The following GRIN2D variants were observed in gnomAD, a reference collection of about 807,000 sequenced individuals.
GRIN2D encodes glutamate receptor ionotropic, NMDA 2D.
A neutral mutation model predicts 103.2 loss-of-function variants in GRIN2D; 37 were observed. The ratio of observed to expected loss-of-function variants is 0.36; its 90% confidence interval spans 0.28 to 0.47. GRIN2D has a LOEUF of 0.47. Among genes scored for constraint, GRIN2D ranks in the 20% least tolerant of loss-of-function variants. The probability of loss-of-function intolerance (pLI) is 1.00; values close to 1 mark genes in which losing one functional copy is unlikely to be tolerated. For missense variants in GRIN2D, 1,557 were observed against 1,910.6 expected, an observed-to-expected ratio of 0.81 and a Z score of 3.45; for synonymous variants, 845 against 885.6, an observed-to-expected ratio of 0.95 and a Z score of 0.81.
chr19:48,407,526 G>A (rs1418343547), intron 4 of GRIN2D, among the ~76,000 whole-genome samples: 1 of 152,168 alleles, frequency 6.6e-6, no homozygotes, highest in Non-Finnish European at 1.5e-5. Flanking sequence ...GGTTGCACAA[G>A]TCACAAGTCA....
At position 48,442,196 on chromosome 19, in the gene GRIN2D, C is replaced by T. The variant is rs755360372; in HGVS notation, c.2487C>T (p.His829=). 6.2e-7 allele frequency: 1 copy of T among 1,614,168 alleles called. No homozygotes were observed. The highest frequency in any genetic ancestry group is 8.5e-7 in the Non-Finnish European group (1 of 1,180,028). Reference sequence around the variant, plus strand: ...GGCTGTGGCTCTCTGGGATCTGCCACAATGACAAAATCGAGGTGATGAGCA... The same window carrying T: ...GGCTGTGGCTCTCTGGGATCTGCCATAATGACAAAATCGAGGTGATGAGCA... The part of the protein sequence containing the change: ...LERLWLSGIC[H]NDKIEVMSSK... The change falls in exon 13 of 14, where the codon CAC becomes CAT. Residue 829 remains histidine, a synonymous_variant. Coordinates refer to ENST00000263269, the MANE Select transcript of GRIN2D (RefSeq NM_000836.4). The surrounding 1 kb of genome is among the most constrained non-coding windows in gnomAD (Gnocchi z 7.2).
rs1012588936 is a variant in GRIN2D, at chr19:48,441,706, C to G, written c.2253-63C>G. On this transcript the variant is annotated intron_variant, in intron 11 of 13. Coordinates refer to ENST00000263269, the MANE Select transcript of GRIN2D (RefSeq NM_000836.4). Reference sequence around the variant, plus strand: ...TTGGAGGTTACAGGTGAGGAGGTTCCAGGCCTGGCGGCCAGGGCATCTAGG... The same window carrying G: ...TTGGAGGTTACAGGTGAGGAGGTTCGAGGCCTGGCGGCCAGGGCATCTAGG... 4 of 1,416,184 alleles carry G rather than the reference C, an allele frequency of 2.8e-6. No individual in the cohort carries two copies. In the African/African-American group the frequency reaches 4.3e-5, roughly 15 times the overall value. The allele number at this position is 1,416,184 out of a possible 1,614,324, so 87.7% of individuals were successfully genotyped here.
chr19:48,419,678 G>A lies in GRIN2D; in HGVS notation c.1955G>A (p.Gly652Glu). The A allele has an allele frequency of 6.2e-7, 1 of 1,613,484 alleles. No homozygotes were observed. The highest frequency in any genetic ancestry group is 8.5e-7 in the Non-Finnish European group (1 of 1,179,818). ...NNSVPVENPR[G>E]TTSKIMVLVW... is the part of the protein sequence containing the mutation. ...TCGGTGCCCGTGGAGAACCCCCGGGGAACCACCAGCAAAATCATGGTGCTG... is the reference window on the plus strand; with the variant it reads ...TCGGTGCCCGTGGAGAACCCCCGGGAAACCACCAGCAAAATCATGGTGCTG... Residue 652 changes from glycine to glutamate, a missense_variant, in exon 10 of 14, where the codon GGA becomes GAA. Gly to Glu is a moderately conservative substitution (Grantham distance 98). This residue lies in a region of GRIN2D where 197 missense variants were observed against 334.1 expected (regional missense o/e 0.59). Coordinates refer to ENST00000263269, the MANE Select transcript of GRIN2D (RefSeq NM_000836.4).
intron 2 of GRIN2D, among the ~76,000 whole-genome samples, chr19:48,398,037 C>T (rs1970663306): frequency 6.6e-6 from 1 of 151,496 alleles, no homozygotes; most frequent in South Asian, 2.1e-4. Flanking sequence ...GTGTCTGTCT[C>T]TCCCTCTGTC....
chr19:48,431,558 A>T (rs572405161), intron 11 of GRIN2D, among the ~76,000 whole-genome samples: 1 of 148,706 alleles, frequency 6.7e-6, no homozygotes, highest in Admixed American at 6.7e-5. Flanking sequence ...ACTGACATTT[A>T]TCAGTGACAT....
intron 4 of GRIN2D, 47 bp from the exon 5 acceptor site, chr19:48,413,944 G>T (rs1569063842): frequency 2.8e-6 from 3 of 1,087,654 alleles, no homozygotes; most frequent in African/African-American, 1.5e-5. Flanking sequence ...CCGCTGCCAA[G>T]GTCCAGCCCA....
intron 8 of GRIN2D, 76 bp from the exon 9 acceptor site, chr19:48,419,157 GC>G (rs1970983714): frequency 7.0e-7 from 1 of 1,424,992 alleles, no homozygotes; most frequent in Non-Finnish European, 9.5e-7. Context: ...GGGAGTACAG[GC>G]GTGAGGCACC....
chr19:48,396,177 G>A (rs143320490), intron 2 of GRIN2D, among the ~76,000 whole-genome samples: 6,155 of 152,132 alleles, frequency 0.04, 153 homozygotes, highest in Middle Eastern at 0.095. Context: ...AGAGATGGAG[G>A]CGGGGGGAGC....
chr19:48,415,203 T>G (rs1390270309), intron 7 of GRIN2D, among the ~76,000 whole-genome samples, 171 bp downstream of exon 7: 1 of 151,926 alleles, frequency 6.6e-6, no homozygotes, highest in Non-Finnish European at 1.5e-5. Context: ...AAACCCCGTC[T>G]CTACTAAAAT....
At chr19:48,422,220 G>C (rs1408370201) in intron 11 of GRIN2D, among the ~76,000 whole-genome samples, 1 of 152,120 alleles carries the variant, frequency 6.6e-6, no homozygotes, top group Non-Finnish European at 1.5e-5. Context: ...TTGTGACCTT[G>C]GGCAAGTTAC....
At chr19:48,396,552 G>A (rs760054092) in intron 2 of GRIN2D, among the ~76,000 whole-genome samples, 10 of 152,080 alleles carry the variant, frequency 6.6e-5, no homozygotes, top group East Asian at 3.9e-4. Context: ...ATTTTGGGGC[G>A]GAGTGGGGGG....
intron 2 of GRIN2D, among the ~76,000 whole-genome samples, chr19:48,396,058 A>T (rs1970635665): frequency 6.6e-6 from 1 of 152,014 alleles, no homozygotes; most frequent in Non-Finnish European, 1.5e-5. Flanking sequence ...CCGTCTGAGG[A>T]AGGCAGGCTG....
chr19:48,442,529 G>A lies in GRIN2D; in HGVS notation c.2674-71G>A. 9 of 1,479,426 alleles carry A rather than the reference G, an allele frequency of 6.1e-6. No individual in the cohort carries two copies. The highest frequency in any genetic ancestry group is 8.0e-6 in the Non-Finnish European group (9 of 1,118,726). 91.6% of individuals were successfully genotyped at this position (1,479,426 alleles called of 1,614,324 possible). Reference sequence around the variant, plus strand: ...CAGGCGGGTAAATGGAGAGGAGAGAGGGACTGAGGGGAGGCGGGCAGGCGT... The same window carrying A: ...CAGGCGGGTAAATGGAGAGGAGAGAAGGACTGAGGGGAGGCGGGCAGGCGT... On this transcript the variant is annotated intron_variant, in intron 13 of 13. Transcript: ENST00000263269. This position sits in a 1 kb window ranked among gnomAD's most constrained non-coding sequence, Gnocchi z 7.2.
chr19:48,405,096 G>A lies in GRIN2D; in HGVS notation c.828G>A (p.Gly276=), dbSNP rs1323109459. 3 of 1,595,574 alleles carry A rather than the reference G, an allele frequency of 1.9e-6. No homozygotes were observed. Among genetic ancestry groups the A allele is most frequent in the Non-Finnish European group, 2.6e-6 (3 of 1,170,686 alleles). Residue 276 remains glycine (G), a synonymous_variant, in exon 4 of 14, where the codon GGG becomes GGA. Coordinates refer to ENST00000263269, the MANE Select transcript of GRIN2D (RefSeq NM_000836.4). The surrounding 1 kb of genome is among the most constrained non-coding windows in gnomAD (Gnocchi z 5.1). The stretch of plus-strand genomic sequence containing the variant: ...CTGGCTACGTCTGGTTCATGGTGGG[G>A]CCCCAGCTGGCTGGAGGCGGGGGCT... ...TGSGYVWFMV[G]PQLAGGGGSG...
At position 48,443,823 on chromosome 19, in the gene GRIN2D, C is replaced by T. The variant is rs1383010533; in HGVS notation, c.3897C>T (p.His1299=). 8.1e-6 allele frequency: 12 copies of T among 1,481,688 alleles called. No homozygotes were observed. The highest frequency in any genetic ancestry group is 1.1e-5 in the Non-Finnish European group (12 of 1,124,588). 91.8% of individuals were successfully genotyped at this position (1,481,688 alleles called of 1,614,324 possible). The change falls in exon 14 of 14, where the codon CAC becomes CAT. Residue 1299 remains histidine, a synonymous_variant. Coordinates refer to ENST00000263269, the MANE Select transcript of GRIN2D (RefSeq NM_000836.4). The surrounding 1 kb of genome is among the most constrained non-coding windows in gnomAD (Gnocchi z 8.9). ...GPSRHARRCP[H]AAHWGPPLPT... ...CCCGCCACGCTCGCAGGTGTCCGCA[C>T]GCCGCGCACTGGGGGCCGCCGCTGC...
At chr19:48,409,513 G>T (rs572508841) in intron 4 of GRIN2D, among the ~76,000 whole-genome samples, 33 of 152,154 alleles carry the variant, frequency 2.2e-4, no homozygotes, top group African/African-American at 7.9e-4. Flanking sequence ...CTGACCTCAG[G>T]TGATCCACCC....
intron 4 of GRIN2D, among the ~76,000 whole-genome samples, chr19:48,407,138 C>G (rs1164629352): frequency 1.3e-5 from 2 of 151,702 alleles, no homozygotes; most frequent in Non-Finnish European, 2.9e-5. Flanking sequence ...CCACCATGCC[C>G]GGCTAATTTT....
intron 11 of GRIN2D, among the ~76,000 whole-genome samples, chr19:48,424,191 G>C (rs1444871733): frequency 6.6e-6 from 1 of 150,730 alleles, no homozygotes; most frequent in Non-Finnish European, 1.5e-5. Flanking sequence ...CAAGGTGAGA[G>C]GATCACTTAA....
At chr19:48,428,301 T>C (rs1453483810) in intron 11 of GRIN2D, among the ~76,000 whole-genome samples, 1 of 151,576 alleles carries the variant, frequency 6.6e-6, no homozygotes, top group Non-Finnish European at 1.5e-5. Context: ...CTTCCCAAAG[T>C]GCTGGGATTA....
Sources: allele counts gnomAD v4.1 joint callset (sites outside exome capture counted in the v4.1 genomes callset), GRCh38; gene constraint gnomAD v4.1.1; regional missense constraint gnomAD v4.1.1; non-coding constraint Gnocchi (gnomAD v3.1); transcripts MANE v1.5; gene names NCBI Gene and HGNC (gene_info 2026-07-23, HGNC 2026-07-21).